The following NRP2 variants were observed in gnomAD, a reference collection of about 807,000 sequenced individuals.
The protein encoded by NRP2 is neuropilin-2.
In NRP2, 52 loss-of-function variants were observed where a neutral mutation model predicts 110.4. The observed-to-expected ratio is 0.47, with a 90% CI of 0.38 to 0.59. NRP2 has a LOEUF of 0.59. Ranked by LOEUF, NRP2 falls within the 20% of genes least tolerant of loss-of-function variation. The pLI, the probability that NRP2 is intolerant of heterozygous loss-of-function variation, is 0.00. For missense variants in NRP2, 1,049 were observed against 1,203.0 expected, an observed-to-expected ratio of 0.87 and a Z score of 1.89; for synonymous variants, 508 against 468.9, an observed-to-expected ratio of 1.08 and a Z score of -1.08.
Position 205,687,869 on chromosome 2 carries a change from A to G in NRP2, c.73+4506A>G, listed in dbSNP as rs2056212849. Among the ~76,000 whole-genome samples the G allele has an allele frequency of 2.0e-5, 3 of 152,230 alleles. No homozygotes were observed. The South Asian group carries it at 6.2e-4, about 32-fold the overall frequency. On this transcript the variant is annotated intron_variant, in intron 1 of 16. Coordinates refer to ENST00000357785, the MANE Select transcript of NRP2 (RefSeq NM_003872.3). ...AATTCATATGCAGTGAGGCACGAAT[A>G]CAAATGACAGTGAGGGAGGGGTCTG...
intron 12 of NRP2, among the ~76,000 whole-genome samples, chr2:205,754,988 T>C (rs1413276909): frequency 2.0e-5 from 3 of 152,134 alleles, no homozygotes; most frequent in Non-Finnish European, 4.4e-5. Flanking sequence ...TCTGGGAGTG[T>C]CTGAGGGCAG....
chr2:205,700,663 A>T (rs890715779), intron 2 of NRP2: 1 of 517,254 alleles, frequency 1.9e-6, no homozygotes, highest in African/African-American at 1.9e-5. Context: ...CCCCAGATAG[A>T]CCTTTTCCCC....
chr2:205,704,539 T>C (rs1033665631), intron 2 of NRP2, among the ~76,000 whole-genome samples: 3 of 152,332 alleles, frequency 2.0e-5, no homozygotes, highest in African/African-American at 7.2e-5. Context: ...TGGGAGCAGC[T>C]GGCTGCTGGC....
intron 15 of NRP2, among the ~76,000 whole-genome samples, chr2:205,773,407 C>T (rs1575664068): frequency 6.6e-6 from 1 of 152,198 alleles, no homozygotes; most frequent in Non-Finnish European, 1.5e-5. Context: ...TTTCTCCAAA[C>T]AAATGCCCAA....
intron 15 of NRP2, among the ~76,000 whole-genome samples, chr2:205,789,484 T>C (rs979797670): frequency 2.6e-5 from 4 of 152,172 alleles, no homozygotes; most frequent in Non-Finnish European, 5.9e-5. Flanking sequence ...CTTCAAGTTT[T>C]CCCCATTGAA....
intron 9 of NRP2, 158 bp downstream of exon 9, chr2:205,743,710 G>A: frequency 1.4e-6 from 2 of 1,398,514 alleles, no homozygotes; most frequent in Non-Finnish European, 1.9e-6. Flanking sequence ...TTTGTGCCAG[G>A]CACTGTGCTA....
intron 7 of NRP2, among the ~76,000 whole-genome samples, chr2:205,737,433 G>A (rs1301622466): frequency 1.3e-5 from 2 of 152,214 alleles, no homozygotes; most frequent in South Asian, 4.1e-4. Flanking sequence ...ATTGGGGCCC[G>A]AGGGAGGTAG....
At chr2:205,708,679 C>T (rs1338507457) in intron 2 of NRP2, among the ~76,000 whole-genome samples, 1 of 152,074 alleles carries the variant, frequency 6.6e-6, no homozygotes, top group African/African-American at 2.4e-5. Context: ...TTCTTGCCTT[C>T]AAGGTTTTTT....
At chr2:205,774,457 T>C (rs2058068323) in intron 15 of NRP2, among the ~76,000 whole-genome samples, 1 of 152,196 alleles carries the variant, frequency 6.6e-6, no homozygotes, top group Middle Eastern at 3.2e-3. Context: ...GGGTCATTTC[T>C]ACCCCAGGGG....
At position 205,763,894 on chromosome 2, in the gene NRP2, G is replaced by A. The variant is rs1392724022; in HGVS notation, c.2265G>A (p.Lys755=). 1.9e-6 allele frequency: 3 copies of A among 1,614,074 alleles called. No homozygotes were observed. Among genetic ancestry groups the A allele is most frequent in the African/African-American group, 1.3e-5 (1 of 75,052 alleles). Residue 755 remains lysine, a synonymous_variant, in exon 13 of 17, where the codon AAG becomes AAA. Coordinates refer to ENST00000357785, the MANE Select transcript of NRP2 (RefSeq NM_003872.3). This position sits in a 1 kb window ranked among gnomAD's most constrained non-coding sequence, Gnocchi z 4.0. ...GTGAGGACCAGGGCGGCGAGTGGAA[G>A]CACGGGCGGATCATCCTGCCCAGCT... ...VIREDQGGEW[K]HGRIILPSYD...
At chr2:205,789,343 G>A (rs193229101) in intron 15 of NRP2, among the ~76,000 whole-genome samples, 21 of 152,252 alleles carry the variant, frequency 1.4e-4, no homozygotes, top group African/African-American at 4.1e-4. Flanking sequence ...GGTTGAAAGC[G>A]GAACTCGTGT....
intron 1 of NRP2, among the ~76,000 whole-genome samples, chr2:205,691,093 T>C (rs2056307302): frequency 6.6e-6 from 1 of 152,194 alleles, no homozygotes; most frequent in Admixed American, 6.5e-5. Flanking sequence ...AATTGGTTAA[T>C]TCACCAAATC....
At chr2:205,768,458 A>G (rs544695352) in intron 15 of NRP2, 4 of 152,240 alleles carry the variant, frequency 2.6e-5, no homozygotes, top group African/African-American at 9.6e-5. Flanking sequence ...TGCTGCAGAC[A>G]CTGTTCTGTG....
At chr2:205,767,308 A>C (rs557151923) in intron 15 of NRP2, 21 of 452,428 alleles carry the variant, frequency 4.6e-5, no homozygotes, top group South Asian at 3.2e-4. Flanking sequence ...CAGTACCTGC[A>C]GTCACCATAC....
intron 12 of NRP2, among the ~76,000 whole-genome samples, chr2:205,761,767 G>A (rs758241901): frequency 2.0e-5 from 3 of 152,168 alleles, no homozygotes; most frequent in Admixed American, 1.3e-4. Flanking sequence ...TGCAGTCAGG[G>A]GTCTCGGCTC....
At chr2:205,770,881 G>A (rs1234002862) in intron 15 of NRP2, among the ~76,000 whole-genome samples, 1 of 152,146 alleles carries the variant, frequency 6.6e-6, no homozygotes, top group East Asian at 1.9e-4. Flanking sequence ...TTCCCCAGGG[G>A]ACACAGAGGT....
At chr2:205,718,985 G>T (rs1298363339) in intron 3 of NRP2, among the ~76,000 whole-genome samples, 1 of 151,744 alleles carries the variant, frequency 6.6e-6, no homozygotes, top group Non-Finnish European at 1.5e-5. Flanking sequence ...GCAGAAATGT[G>T]CAAGGGAGCA....
intron 1 of NRP2, 41 bp downstream of exon 1, chr2:205,683,404 TC>T (rs2056058861): frequency 6.8e-7 from 1 of 1,478,182 alleles, no homozygotes; most frequent in Non-Finnish European, 9.5e-7. Flanking sequence ...CAACATGGTT[TC>T]CCCTTTAAAA....
intron 1 of NRP2, among the ~76,000 whole-genome samples, chr2:205,690,212 C>G (rs1035199648): frequency 8.5e-5 from 13 of 152,088 alleles, no homozygotes; most frequent in Admixed American, 7.9e-4. Context: ...AGATGTTCCC[C>G]AAAGGCATTC....
Sources: gnomAD v4.1 joint callset for allele counts (sites outside exome capture counted in the v4.1 genomes callset) on GRCh38, gnomAD v4.1.1 for gene constraint, Gnocchi (gnomAD v3.1) non-coding constraint, MANE v1.5 for transcripts, NCBI Gene and HGNC (gene_info 2026-07-23, HGNC 2026-07-21) for gene names.